Variants in SLIT3 observed in about 807,000 individuals in gnomAD.
SLIT3 encodes slit guidance ligand 3.
In SLIT3, 68 loss-of-function variants were observed where a neutral mutation model predicts 184.0. That is an observed-to-expected ratio of 0.37 (90% CI 0.30 to 0.45). SLIT3 has a LOEUF of 0.45. Among genes scored for constraint, SLIT3 ranks in the 20% least tolerant of loss-of-function variants. SLIT3 has a pLI of 1.00. For synonymous variants in SLIT3, 831 were observed against 828.6 expected (o/e 1.00, Z -0.05); for missense variants, 1,707 against 2,026.0 (o/e 0.84, Z 3.02).
At chr5:168,973,974 T>C (rs750209363) in intron 4 of SLIT3, among the ~76,000 whole-genome samples, 2 of 152,176 alleles carry the variant, frequency 1.3e-5, no homozygotes, top group Non-Finnish European at 2.9e-5. Flanking sequence ...TCATGAAAAA[T>C]ACGGGTAACT....
At chr5:169,129,140 C>T (rs927902614) in intron 4 of SLIT3, among the ~76,000 whole-genome samples, 1 of 152,190 alleles carries the variant, frequency 6.6e-6, no homozygotes, top group African/African-American at 2.4e-5. Flanking sequence ...AAAGGCCATG[C>T]GTCACTCCAT....
At chr5:169,123,882 A>G (rs1228299316) in intron 4 of SLIT3, among the ~76,000 whole-genome samples, 1 of 152,152 alleles carries the variant, frequency 6.6e-6, no homozygotes, top group Admixed American at 6.5e-5. Flanking sequence ...AAAAACCATA[A>G]AGTGTGCTTA....
intron 3 of SLIT3, among the ~76,000 whole-genome samples, chr5:169,207,917 G>A (rs1434436586): frequency 6.6e-6 from 1 of 152,180 alleles, no homozygotes; most frequent in African/African-American, 2.4e-5. Flanking sequence ...CAGACACCAA[G>A]TATACTGGCA....
chr5:168,955,334 G>T (rs1055012597), intron 4 of SLIT3, among the ~76,000 whole-genome samples: 34 of 152,278 alleles, frequency 2.2e-4, no homozygotes, highest in African/African-American at 7.2e-4. Context: ...CTCCCTAGAG[G>T]CTCTCCCAAG....
intron 3 of SLIT3, among the ~76,000 whole-genome samples, chr5:169,231,782 C>T (rs530096937): frequency 1.3e-5 from 2 of 152,246 alleles, no homozygotes; most frequent in South Asian, 2.1e-4. Context: ...CAATAACTCC[C>T]GTAACAGTAT....
At chr5:169,233,918 G>A (rs116268470) in intron 3 of SLIT3, among the ~76,000 whole-genome samples, 1,887 of 152,120 alleles carry the variant, frequency 0.012, 37 homozygotes, top group African/African-American at 0.043. Context: ...TAGGAGAAAC[G>A]TTTTCAATAT....
intron 1 of SLIT3, among the ~76,000 whole-genome samples, chr5:169,292,187 A>G (rs1767380493): frequency 6.6e-6 from 1 of 152,238 alleles, no homozygotes; most frequent in African/African-American, 2.4e-5. Flanking sequence ...AAAAACCTGA[A>G]GCTACCTGAG....
At chr5:168,740,740 C>G (rs184025106) in intron 20 of SLIT3, among the ~76,000 whole-genome samples, 82 of 152,330 alleles carry the variant, frequency 5.4e-4, no homozygotes, top group Middle Eastern at 3.4e-3. Flanking sequence ...GAAGTGATAC[C>G]ATTTCCAAAT....
At chr5:169,103,985 C>T (rs1171298886) in intron 4 of SLIT3, among the ~76,000 whole-genome samples, 3 of 152,208 alleles carry the variant, frequency 2.0e-5, no homozygotes, top group Non-Finnish European at 4.4e-5. Flanking sequence ...CACTCGTTCC[C>T]AGGGCTGGCT....
chr5:169,253,864 G>T (rs1765859020), intron 1 of SLIT3, among the ~76,000 whole-genome samples: 1 of 152,110 alleles, frequency 6.6e-6, no homozygotes, highest in African/African-American at 2.4e-5. Flanking sequence ...TAGAATAATG[G>T]GGCCAAGGGT....
chr5:168,903,912 G>A (rs1412367280), intron 4 of SLIT3, among the ~76,000 whole-genome samples: 1 of 152,202 alleles, frequency 6.6e-6, no homozygotes, highest in African/African-American at 2.4e-5. Flanking sequence ...AAGCTTCTCT[G>A]ATCGAAGTGG....
At chr5:168,757,444 G>T (rs981070490) in intron 16 of SLIT3, among the ~76,000 whole-genome samples, 28 of 152,034 alleles carry the variant, frequency 1.8e-4, no homozygotes, top group Admixed American at 5.2e-4. Context: ...TATTGTTTTT[G>T]TTTTTTTGAG....
chr5:169,222,802 C>T (rs748215537), intron 3 of SLIT3, among the ~76,000 whole-genome samples: 6 of 152,208 alleles, frequency 3.9e-5, no homozygotes, highest in Non-Finnish European at 8.8e-5. Context: ...TACATGAATG[C>T]AGGTTAGCAC....
At chr5:169,103,418 CTG>C (rs1412328945) in intron 4 of SLIT3, among the ~76,000 whole-genome samples, 1 of 152,182 alleles carries the variant, frequency 6.6e-6, no homozygotes, top group Admixed American at 6.5e-5. Context: ...TCCTCAGAGT[CTG>C]AGAAAAACTA....
intron 9 of SLIT3, among the ~76,000 whole-genome samples, chr5:168,796,634 G>A (rs1180865175): frequency 2.0e-5 from 3 of 152,140 alleles, no homozygotes; most frequent in Non-Finnish European, 4.4e-5. Flanking sequence ...GGGAGGAACG[G>A]GCTTCCTTGA....
intron 27 of SLIT3, among the ~76,000 whole-genome samples, chr5:168,699,050 G>T (rs952779920): frequency 6.6e-6 from 1 of 152,220 alleles, no homozygotes; most frequent in Non-Finnish European, 1.5e-5. Flanking sequence ...CCCTGGAGGG[G>T]TGTTTCCTGG....
intron 4 of SLIT3, among the ~76,000 whole-genome samples, chr5:169,087,704 T>C (rs1251135582): frequency 6.6e-6 from 1 of 152,240 alleles, no homozygotes; most frequent in Non-Finnish European, 1.5e-5. Flanking sequence ...GCAAAGGTTT[T>C]TGTAGTACAG....
intron 5 of SLIT3, among the ~76,000 whole-genome samples, chr5:168,868,747 C>CA (rs375837097): frequency 0.19 from 12,899 of 68,848 alleles, 931 homozygotes; most frequent in Non-Finnish European, 0.25. Flanking sequence ...GAATCTGCCT[C>CA]AAAAAAAAAA....
At chr5:168,949,443 CTTA>C (rs778637407) in intron 4 of SLIT3, among the ~76,000 whole-genome samples, 4 of 152,140 alleles carry the variant, frequency 2.6e-5, no homozygotes, top group Non-Finnish European at 5.9e-5. Flanking sequence ...TGGTTTCACT[CTTA>C]TTATAGCCAG....
Sources: allele counts gnomAD v4.1 joint callset (sites outside exome capture counted in the v4.1 genomes callset), GRCh38; gene constraint gnomAD v4.1.1; transcripts MANE v1.5; gene names NCBI Gene and HGNC (gene_info 2026-07-23, HGNC 2026-07-21).